The following CNOT9 variants were observed in gnomAD, a reference collection of about 807,000 sequenced individuals.
CNOT9 encodes RCD1 required for cell differentiation1 homolog.
Under a neutral mutation model 37.4 loss-of-function variants are expected in CNOT9, and 8 were observed. The ratio of observed to expected loss-of-function variants is 0.21; its 90% confidence interval spans 0.13 to 0.39. The LOEUF (loss-of-function observed/expected upper bound fraction) is 0.39. Among genes scored for constraint, CNOT9 ranks in the 10% least tolerant of loss-of-function variants. The pLI is 1.00. For missense variants in CNOT9, 154 were observed against 365.3 expected, an observed-to-expected ratio of 0.42 and a Z score of 4.71; for synonymous variants, 120 against 137.6, an observed-to-expected ratio of 0.87 and a Z score of 0.90.
intron 1 of CNOT9, among the ~76,000 whole-genome samples, chr2:218,576,966 C>CAAA (rs34234485): frequency 8.8e-5 from 12 of 136,994 alleles, no homozygotes; most frequent in Non-Finnish European, 1.3e-4. Flanking sequence ...GGCTCCATCT[C>CAAA]AAAAAAAAAA....
Position 218,584,660 on chromosome 2 carries a change from G to A in CNOT9, c.369G>A (p.Leu123=), listed in dbSNP as rs768313719. The A allele has an allele frequency of 6.2e-7, 1 of 1,613,920 alleles. No homozygotes were observed. The highest frequency in any genetic ancestry group is 1.1e-5 in the South Asian group (1 of 91,052). ...AHIPLFLYPF[L]HTVSKTRPFE... Reference sequence around the variant, plus strand: ...TCCCACTTTTTTTGTACCCCTTTTTGCACACTGTCAGCAAAACACGTCCCT... The same window carrying A: ...TCCCACTTTTTTTGTACCCCTTTTTACACACTGTCAGCAAAACACGTCCCT... The change falls in exon 4 of 8, where the codon TTG becomes TTA. Residue 123 remains leucine, a synonymous_variant. Coordinates refer to ENST00000273064, the MANE Select transcript of CNOT9 (RefSeq NM_005444.3).
chr2:218,580,380 G>A (rs1450444095), intron 1 of CNOT9, among the ~76,000 whole-genome samples, 181 bp from the exon 2 acceptor site: 1 of 152,224 alleles, frequency 6.6e-6, no homozygotes, highest in East Asian at 1.9e-4. Context: ...AAGGGTATGT[G>A]TGCATTTTAG....
At chr2:218,576,420 T>A (rs1694170650) in intron 1 of CNOT9, among the ~76,000 whole-genome samples, 2 of 152,220 alleles carry the variant, frequency 1.3e-5, no homozygotes, top group African/African-American at 4.8e-5. Flanking sequence ...AAGTAAATTA[T>A]GCCCCATCTG....
At chr2:218,582,828 G>C (rs1325292637) in intron 2 of CNOT9, 143 bp from the exon 3 acceptor site, 3 of 603,642 alleles carry the variant, frequency 5.0e-6, no homozygotes, top group East Asian at 5.6e-5. Flanking sequence ...CATTATTTCT[G>C]CTCCCTCTTT....
At chr2:218,579,455 A>T (rs34314758) in intron 1 of CNOT9, among the ~76,000 whole-genome samples, 6,132 of 152,244 alleles carry the variant, frequency 0.04, 161 homozygotes, top group East Asian at 0.12. Flanking sequence ...CCAATATTTA[A>T]CCAGTCTCTT....
intron 4 of CNOT9, chr2:218,587,359 G>A: frequency 3.8e-6 from 3 of 794,282 alleles, no homozygotes; most frequent in Non-Finnish European, 4.8e-6. Flanking sequence ...CCGACCTCAA[G>A]TGATCTGCCC....
intron 1 of CNOT9, among the ~76,000 whole-genome samples, chr2:218,580,033 A>C (rs929529067): frequency 2.1e-5 from 3 of 141,332 alleles, no homozygotes; most frequent in African/African-American, 8.1e-5. Context: ...CAGTGGCGCT[A>C]TCTCGGGTCA....
Position 218,580,720 on chromosome 2 carries a change from A to G in CNOT9, c.184A>G (p.Thr62Ala). 6.2e-7 allele frequency: 1 copy of G among 1,613,766 alleles called. No homozygotes were observed. The highest frequency in any genetic ancestry group is 8.5e-7 in the Non-Finnish European group (1 of 1,179,838). ...ACCCATGCTGTGGCATTCATTTGGT[A>G]CTATTGCAGCACTTTTACAGGTGGG... ...LAPMLWHSFGTIAALLQEIVN... is the reference protein window; with the variant it reads ...LAPMLWHSFGAIAALLQEIVN... The change falls in exon 2 of 8, where the codon ACT becomes GCT. Residue 62 changes from threonine to alanine, a missense_variant. By Grantham distance (58) the Thr-to-Ala change is moderately conservative. This residue lies in a region of CNOT9 where 117 missense variants were observed against 325.4 expected (regional missense o/e 0.36). Coordinates refer to ENST00000273064, the MANE Select transcript of CNOT9 (RefSeq NM_005444.3).
chr2:218,584,813 C>G (rs1694534629), intron 4 of CNOT9, 92 bp downstream of exon 4: 1 of 872,490 alleles, frequency 1.1e-6, no homozygotes, highest in Middle Eastern at 2.2e-4. Flanking sequence ...TTTTTGTACA[C>G]CAGTCATTCA....
rs1461704209 is a variant in CNOT9, at chr2:218,592,223, T to C, written c.541-81T>C. On this transcript the variant is annotated intron_variant, in intron 5 of 7. Coordinates refer to ENST00000273064, the MANE Select transcript of CNOT9 (RefSeq NM_005444.3). This position sits in a 1 kb window ranked among gnomAD's most constrained non-coding sequence, Gnocchi z 4.1. ...GCTTGCTCAATTTTCTGACTGATAG[T>C]CATGCCTGGGAAAATGAGTAGAAAA... 2 of 1,018,918 alleles carry C rather than the reference T, an allele frequency of 2.0e-6. No individual in the cohort carries two copies. Among genetic ancestry groups the C allele is most frequent in the East Asian group, 2.4e-5 (1 of 42,208 alleles). 63.1% of individuals were successfully genotyped at this position (1,018,918 alleles called of 1,614,324 possible). A position where few individuals can be genotyped will look rare whatever the true frequency, so the allele number is the denominator to read the frequency against.
intron 4 of CNOT9, among the ~76,000 whole-genome samples, chr2:218,584,956 G>A (rs1694538497): frequency 6.6e-6 from 1 of 152,202 alleles, no homozygotes; most frequent in Non-Finnish European, 1.5e-5. Flanking sequence ...CAGCATATAT[G>A]TGGAAACATT....
chr2:218,592,812 A>G lies in CNOT9; in HGVS notation c.731+105A>G, dbSNP rs1694824453. The stretch of plus-strand genomic sequence containing the variant: ...GTCTTTAGGACAGGGAAGTGGGGAT[A>G]TAACTGCATTTAGTTTGTCTGAGAC... On this transcript the variant is annotated intron_variant, in intron 7 of 7. Transcript: ENST00000273064. This position sits in a 1 kb window ranked among gnomAD's most constrained non-coding sequence, Gnocchi z 4.1. 2.3e-6 allele frequency: 2 copies of G among 854,164 alleles called. No homozygotes were observed. The highest frequency in any genetic ancestry group is 1.9e-6 in the Non-Finnish European group (1 of 522,562). The allele number at this position is 854,164 out of a possible 1,614,324, so 52.9% of individuals were successfully genotyped here. A position where few individuals can be genotyped will look rare whatever the true frequency, so the allele number is the denominator to read the frequency against.
rs761843684 is a variant in CNOT9 at position 218,582,987 on chromosome 2, A to T, written c.221A>T (p.Tyr74Phe). 12 of 1,606,130 alleles carry T rather than the reference A, an allele frequency of 7.5e-6. No individual in the cohort carries two copies. The highest frequency in any genetic ancestry group is 2.7e-5 in the African/African-American group (2 of 74,392). Residue 74 changes from tyrosine (Y) to phenylalanine (F), a missense_variant, in exon 3 of 8, where the codon TAT becomes TTT. Tyr to Phe is a conservative substitution (Grantham distance 22, BLOSUM62 3). Transcript: ENST00000273064. ...ATTTTTTAGGAAATTGTAAATATTT[A>T]TCCATCTATCAACCCACCCACCTTG... ...AALLQEIVNI[Y>F]PSINPPTLTA...
chr2:218,588,438 G>A (rs893564143), intron 5 of CNOT9, among the ~76,000 whole-genome samples: 4 of 146,168 alleles, frequency 2.7e-5, no homozygotes, highest in African/African-American at 1.0e-4. Flanking sequence ...ACAGGCATGT[G>A]CCACCATACC....
chr2:218,584,484 TG>T lies in CNOT9; in HGVS notation c.321-127del. The T allele has an allele frequency of 6.6e-6, 5 of 756,702 alleles. No individual in the cohort carries two copies. In the South Asian group the frequency reaches 7.7e-5, roughly 12 times the overall value. 46.9% of individuals were successfully genotyped at this position (756,702 alleles called of 1,614,324 possible). Reference sequence around the variant, plus strand: ...GGTTGAGACTAATGACCAGTAACATTGTTTTCCTAAGGATTCCTTGCTCTGA... The same window carrying T: ...GGTTGAGACTAATGACCAGTAACATTTTTTCCTAAGGATTCCTTGCTCTGA... On this transcript the variant is annotated intron_variant, in intron 3 of 7. Coordinates refer to ENST00000273064, the MANE Select transcript of CNOT9 (RefSeq NM_005444.3).
chr2:218,593,666 A>G, intron 7 of CNOT9: 1 of 1,303,608 alleles, frequency 7.7e-7, no homozygotes, highest in Non-Finnish European at 9.9e-7. Flanking sequence ...AACTGAAGCA[A>G]TTTCTGTAAA....
rs958714581 is a variant in CNOT9, at chr2:218,594,441, A to G, written c.*165A>G. 5 of 761,458 alleles carry G rather than the reference A, an allele frequency of 6.6e-6. No individual in the cohort carries two copies. Among genetic ancestry groups the G allele is most frequent in the Non-Finnish European group, 1.0e-5 (5 of 488,342 alleles). 47.2% of individuals were successfully genotyped at this position (761,458 alleles called of 1,614,324 possible). The stretch of plus-strand genomic sequence containing the variant: ...CCCCTGCTGAGGTGTATGGGCTGCC[A>G]TCTCAGGCTGTCTTGAGGACCTGGG... On this transcript the variant is annotated 3_prime_UTR_variant, in exon 8 of 8. Coordinates refer to ENST00000273064, the MANE Select transcript of CNOT9 (RefSeq NM_005444.3).
At chr2:218,583,132 TG>T in intron 3 of CNOT9, 46 bp downstream of exon 3, 2 of 1,241,432 alleles carry the variant, frequency 1.6e-6, no homozygotes, top group Non-Finnish European at 2.4e-6. Flanking sequence ...ACATTGAATA[TG>T]GTCCTAAACG....
rs1435086897 is a variant in CNOT9 at position 218,594,530 on chromosome 2, G to A, written c.*254G>A. 1 of 504,010 alleles carries A rather than the reference G, an allele frequency of 2.0e-6. No individual in the cohort carries two copies. Among genetic ancestry groups the A allele is most frequent in the African/African-American group, 1.9e-5 (1 of 51,860 alleles). The allele number at this position is 504,010 out of a possible 1,614,324, so 31.2% of individuals were successfully genotyped here. A position where few individuals can be genotyped will look rare whatever the true frequency, so the allele number is the denominator to read the frequency against. ...GCAGTCTGCCACCACAGCCCCAGGA[G>A]GGTGTCAACACCAGCAAATGCTGTA... On this transcript the variant is annotated 3_prime_UTR_variant, in exon 8 of 8. Coordinates refer to ENST00000273064, the MANE Select transcript of CNOT9 (RefSeq NM_005444.3).
Sources: allele counts gnomAD v4.1 joint callset (sites outside exome capture counted in the v4.1 genomes callset), GRCh38; gene constraint gnomAD v4.1.1; regional missense constraint gnomAD v4.1.1; non-coding constraint Gnocchi (gnomAD v3.1); transcripts MANE v1.5; gene names NCBI Gene and HGNC (gene_info 2026-07-23, HGNC 2026-07-21).